The following PTCHD4 variants were observed in gnomAD, a reference collection of about 807,000 sequenced individuals.
PTCHD4 encodes patched domain containing 4.
Under a neutral mutation model 58.1 loss-of-function variants are expected in PTCHD4, and 33 were observed. That is an observed-to-expected ratio of 0.57 (90% CI 0.43 to 0.76). The LOEUF (loss-of-function observed/expected upper bound fraction) is 0.76, where lower values mean the gene tolerates loss of function less well. Among genes scored for constraint, PTCHD4 ranks in the 30% least tolerant of loss-of-function variants. The pLI is 0.00. For missense variants in PTCHD4, 1,058 were observed against 1,027.1 expected (o/e 1.03, Z -0.41); for synonymous variants, 478 against 409.6 (o/e 1.17, Z -2.02).
At chr6:47,916,077 G>C (rs1375240117) in intron 4 of PTCHD4, among the ~76,000 whole-genome samples, 2 of 152,132 alleles carry the variant, frequency 1.3e-5, no homozygotes, top group Non-Finnish European at 2.9e-5. Context: ...ACCGGTGACT[G>C]CTTCTGCTCT....
intron 1 of PTCHD4, among the ~76,000 whole-genome samples, chr6:48,077,909 C>G (rs987771815): frequency 6.6e-6 from 1 of 152,084 alleles, no homozygotes; most frequent in Non-Finnish European, 1.5e-5. Context: ...CACAGATCAT[C>G]TTAACAGATA....
rs1763657345 is a variant in PTCHD4 at position 47,869,290 on chromosome 6, T to C, written c.*9013A>G. 6.6e-6 allele frequency among the ~76,000 whole-genome samples: 1 copy of C among 151,748 alleles called. No homozygotes were observed. Among genetic ancestry groups the C allele is most frequent in the Non-Finnish European group, 1.5e-5 (1 of 67,824 alleles). On this transcript the variant is annotated 3_prime_UTR_variant, in exon 5 of 5. Coordinates refer to ENST00000339488, the MANE Select transcript of PTCHD4 (RefSeq NM_001384253.1). Reference sequence around the variant, plus strand: ...ACTGTATAGCGTGCAGCCAAAGGGATGTGCTTTGTGATTAATCTCTGGGTA... The same window carrying C: ...ACTGTATAGCGTGCAGCCAAAGGGACGTGCTTTGTGATTAATCTCTGGGTA...
Position 47,876,990 on chromosome 6 carries a change from T to C in PTCHD4, c.*1313A>G, listed in dbSNP as rs1049775464. Among the ~76,000 whole-genome samples the C allele has an allele frequency of 1.5e-4, 23 of 151,998 alleles. No individual in the cohort carries two copies. Among genetic ancestry groups the C allele is most frequent in the Non-Finnish European group, 4.4e-5 (3 of 67,942 alleles). ...TTTCCAGGTAACAAGAGCAACACTA[T>C]TGTGAGAAGCTACAAATGGTACTGC... is the stretch of plus-strand genomic sequence containing the variant. On this transcript the variant is annotated 3_prime_UTR_variant, in exon 5 of 5. Transcript: ENST00000339488.
At chr6:48,108,608 TA>T (rs887108628) in intron 1 of PTCHD4, among the ~76,000 whole-genome samples, 1 of 151,596 alleles carries the variant, frequency 6.6e-6, no homozygotes, top group South Asian at 2.1e-4. Context: ...ATAATAATAA[TA>T]AAAAAATAAA....
chr6:47,930,220 G>T (rs1765765858), intron 4 of PTCHD4, among the ~76,000 whole-genome samples: 1 of 152,148 alleles, frequency 6.6e-6, no homozygotes, highest in Non-Finnish European at 1.5e-5. Flanking sequence ...TAAAAAAGGT[G>T]GGTATTTTAC....
At chr6:48,048,739 G>A (rs1321685064) in intron 3 of PTCHD4, among the ~76,000 whole-genome samples, 1 of 151,992 alleles carries the variant, frequency 6.6e-6, no homozygotes, top group Non-Finnish European at 1.5e-5. Context: ...CCTAAATGCT[G>A]AGCTTCCCAG....
chr6:47,894,952 T>G (rs1764489138), intron 4 of PTCHD4, among the ~76,000 whole-genome samples: 1 of 151,988 alleles, frequency 6.6e-6, no homozygotes, highest in South Asian at 2.1e-4. Flanking sequence ...GCCAACATGG[T>G]GAAACCTCGT....
At position 48,075,272 on chromosome 6, in the gene PTCHD4, A is replaced by G. The variant is rs144051479; in HGVS notation, c.-969-5346T>C. Among the ~76,000 whole-genome samples, 354 of 152,294 alleles carry G rather than the reference A, an allele frequency of 2.3e-3. 9 individuals are homozygous for G. Among genetic ancestry groups the G allele is most frequent in the African/African-American group, 8.2e-3 (340 of 41,556 alleles). On this transcript the variant is annotated intron_variant, in intron 1 of 4. Coordinates refer to ENST00000339488, the MANE Select transcript of PTCHD4 (RefSeq NM_001384253.1). ...ACACCATTCTTATTCTAATGGTAAAATATCCAACTATATGTTTAACAGTGT... is the reference window on the plus strand; with the variant it reads ...ACACCATTCTTATTCTAATGGTAAAGTATCCAACTATATGTTTAACAGTGT...
intron 4 of PTCHD4, among the ~76,000 whole-genome samples, chr6:47,884,427 G>C (rs1764120011): frequency 6.6e-6 from 1 of 152,096 alleles, no homozygotes; most frequent in African/African-American, 2.4e-5. Context: ...ATTCCCTGCA[G>C]TTCCACCCTT....
chr6:47,897,940 C>CTTTTTTTTTTTTTTTTTTT (rs67063892), intron 4 of PTCHD4, among the ~76,000 whole-genome samples: 133 of 76,308 alleles, frequency 1.7e-3, no homozygotes, highest in Middle Eastern at 0.013. Flanking sequence ...TTCTTTCTTT[C>CTTTTTTTTTTTTTTTTTTT]TTTTTTTTTT....
chr6:47,953,156 A>G (rs1249283077), intron 4 of PTCHD4, among the ~76,000 whole-genome samples: 1 of 152,104 alleles, frequency 6.6e-6, no homozygotes, highest in Non-Finnish European at 1.5e-5. Context: ...TAACTTCTGA[A>G]TAATGGATGT....
At position 48,055,853 on chromosome 6, in the gene PTCHD4, C is replaced by T. The variant is rs190786209; in HGVS notation, c.417+12377G>A. Among the ~76,000 whole-genome samples the T allele has an allele frequency of 3.9e-5, 6 of 152,332 alleles. No homozygotes were observed. In the East Asian group the frequency reaches 1.2e-3, roughly 29 times the overall value. ...CAGGCTCTGCCTCACCTACCCAGGT[C>T]TTTGCCCTGTAGATACTGTCCCCTA... On this transcript the variant is annotated intron_variant, in intron 3 of 4. Transcript: ENST00000339488.
At chr6:47,957,489 G>T (rs1766908472) in intron 4 of PTCHD4, among the ~76,000 whole-genome samples, 1 of 150,936 alleles carries the variant, frequency 6.6e-6, no homozygotes, top group South Asian at 2.1e-4. Flanking sequence ...AGTTTAATCT[G>T]AATTAGTTAT....
chr6:48,061,722 G>A (rs1057213308), intron 3 of PTCHD4, among the ~76,000 whole-genome samples: 2 of 152,120 alleles, frequency 1.3e-5, no homozygotes, highest in Non-Finnish European at 2.9e-5. Flanking sequence ...TTAATTATGT[G>A]GCTTACAATG....
chr6:48,018,287 T>C (rs752671349), intron 3 of PTCHD4, among the ~76,000 whole-genome samples: 10 of 152,134 alleles, frequency 6.6e-5, no homozygotes, highest in Non-Finnish European at 1.0e-4. Flanking sequence ...ATCTCCAAAA[T>C]AAAAAGTGTC....
intron 3 of PTCHD4, among the ~76,000 whole-genome samples, chr6:48,043,523 A>T (rs332585): frequency 0.58 from 87,761 of 151,616 alleles, 25,552 homozygotes; most frequent in East Asian, 0.72. Context: ...CCTTAAGTAC[A>T]TTTGCCCTTT....
chr6:47,926,519 C>A (rs934419050), intron 4 of PTCHD4, among the ~76,000 whole-genome samples: 7 of 152,190 alleles, frequency 4.6e-5, no homozygotes, highest in African/African-American at 1.7e-4. Context: ...TGCAGACTCT[C>A]AGGCCCCATC....
intron 3 of PTCHD4, among the ~76,000 whole-genome samples, chr6:48,050,017 T>C (rs774058460): frequency 3.3e-5 from 5 of 151,990 alleles, no homozygotes; most frequent in Non-Finnish European, 5.9e-5. Context: ...TTTCGATTTC[T>C]AGCCTGTTAA....
chr6:47,937,964 C>G (rs903423022), intron 4 of PTCHD4, among the ~76,000 whole-genome samples: 1 of 151,986 alleles, frequency 6.6e-6, no homozygotes, highest in Admixed American at 6.5e-5. Flanking sequence ...AACAGCCTGA[C>G]CTATGTGGTG....
Sources: gnomAD v4.1 joint callset for allele counts (sites outside exome capture counted in the v4.1 genomes callset) on GRCh38, gnomAD v4.1.1 for gene constraint, MANE v1.5 for transcripts, NCBI Gene and HGNC (gene_info 2026-07-23, HGNC 2026-07-21) for gene names.